LINGO2: variants seen among roughly 807,000 people sequenced by gnomAD.
LINGO2 encodes the protein leucine-rich repeat and immunoglobulin-like domain-containing nogo receptor-interacting protein 2.
A neutral mutation model predicts 30.6 loss-of-function variants in LINGO2; 14 were observed. The observed-to-expected ratio is 0.46, with a 90% CI of 0.30 to 0.72. LINGO2 has a LOEUF of 0.72. LINGO2 is among the 30% of genes least tolerant of loss of function. The pLI, the probability that LINGO2 is intolerant of heterozygous loss-of-function variation, is 0.07. For synonymous variants in LINGO2, 317 were observed against 288.5 expected, an observed-to-expected ratio of 1.10 and a Z score of -1.00; for missense variants, 729 against 751.7, an observed-to-expected ratio of 0.97 and a Z score of 0.35.
the LINGO2 span, among the ~76,000 whole-genome samples, chr9:28,875,938 A>C: frequency 6.6e-6 from 1 of 152,138 alleles, no homozygotes; most frequent in Non-Finnish European, 1.5e-5. Flanking sequence ...CATTTCATTT[A>C]ACAGAAGAGG....
chr9:28,499,718 A>G (rs1819807492), intron 1 of LINGO2, among the ~76,000 whole-genome samples: 1 of 152,200 alleles, frequency 6.6e-6, no homozygotes, highest in Non-Finnish European at 1.5e-5. Flanking sequence ...ATGTTAAACA[A>G]ATGGCATTCC....
the LINGO2 span, among the ~76,000 whole-genome samples, chr9:28,962,371 C>T: frequency 1.3e-4 from 20 of 152,004 alleles, no homozygotes; most frequent in Non-Finnish European, 2.6e-4. Flanking sequence ...CAACATCTTT[C>T]CACTCATACC....
the LINGO2 span, among the ~76,000 whole-genome samples, chr9:28,715,477 A>G: frequency 1.2e-3 from 184 of 152,244 alleles, 1 homozygote; most frequent in Non-Finnish European, 2.2e-3. Context: ...TATAATGTAC[A>G]GTCCCCTAAC....
At chr9:28,443,125 AG>A (rs1354685561) in intron 2 of LINGO2, among the ~76,000 whole-genome samples, 2 of 152,228 alleles carry the variant, frequency 1.3e-5, no homozygotes, top group African/African-American at 4.8e-5. Context: ...AATAGGAAAA[AG>A]GAAGTTATGC....
At chr9:28,090,652 C>G (rs1422084568) in intron 4 of LINGO2, among the ~76,000 whole-genome samples, 2 of 152,074 alleles carry the variant, frequency 1.3e-5, no homozygotes, top group Non-Finnish European at 2.9e-5. Context: ...TGAAAACTGG[C>G]ACAAGACAGG....
intron 1 of LINGO2, among the ~76,000 whole-genome samples, chr9:28,478,734 C>T (rs1472643584): frequency 1.3e-5 from 2 of 152,080 alleles, no homozygotes; most frequent in Non-Finnish European, 2.9e-5. Flanking sequence ...ACAAACCATA[C>T]ATACTTCTTC....
At chr9:28,910,765 C>A in the LINGO2 span, among the ~76,000 whole-genome samples, 1 of 151,746 alleles carries the variant, frequency 6.6e-6, no homozygotes, top group South Asian at 2.1e-4. Context: ...AGTTTTTTTT[C>A]TTTATAAATT....
intron 4 of LINGO2, among the ~76,000 whole-genome samples, chr9:28,055,751 T>C (rs1256449619): frequency 6.6e-6 from 1 of 152,180 alleles, no homozygotes; most frequent in East Asian, 1.9e-4. Context: ...AAGTCTCTCT[T>C]GGAAGTTTAA....
At chr9:28,968,694 G>T in the LINGO2 span, among the ~76,000 whole-genome samples, 2 of 151,944 alleles carry the variant, frequency 1.3e-5, no homozygotes, top group South Asian at 2.1e-4. Flanking sequence ...CCTTTTTTAG[G>T]TATTAAACTT....
chr9:28,224,649 T>C (rs1041752508), intron 4 of LINGO2, among the ~76,000 whole-genome samples: 1 of 152,190 alleles, frequency 6.6e-6, no homozygotes, highest in East Asian at 1.9e-4. Context: ...CCTCTCTTTA[T>C]CTTTCCTTCC....
chr9:28,887,452 A>T, the LINGO2 span, among the ~76,000 whole-genome samples: 1,913 of 152,204 alleles, frequency 0.013, 18 homozygotes, highest in Non-Finnish European at 0.02. Context: ...TGCAGAAGCC[A>T]GTAATTTGTT....
At chr9:28,716,326 G>T in the LINGO2 span, among the ~76,000 whole-genome samples, 2 of 151,906 alleles carry the variant, frequency 1.3e-5, no homozygotes, top group Non-Finnish European at 2.9e-5. Flanking sequence ...CAGAAAGAGG[G>T]ATGGAGTATG....
At chr9:28,331,112 CA>C (rs530891007) in intron 3 of LINGO2, among the ~76,000 whole-genome samples, 61 of 151,860 alleles carry the variant, frequency 4.0e-4, no homozygotes, top group African/African-American at 1.4e-3. Context: ...AAAAAGTATT[CA>C]ACTGAAACAA....
chr9:28,190,516 T>C (rs1192573355), intron 4 of LINGO2, among the ~76,000 whole-genome samples: 1 of 152,132 alleles, frequency 6.6e-6, no homozygotes, highest in Non-Finnish European at 1.5e-5. Flanking sequence ...CGTGCCCTTA[T>C]AAAAGAAACC....
At chr9:28,745,187 T>G in the LINGO2 span, among the ~76,000 whole-genome samples, 1 of 151,960 alleles carries the variant, frequency 6.6e-6, no homozygotes, top group African/African-American at 2.4e-5. Flanking sequence ...GTAATGAAAG[T>G]ATTATTTTTA....
chr9:28,067,516 G>C (rs1321563661), intron 4 of LINGO2, among the ~76,000 whole-genome samples: 1 of 152,180 alleles, frequency 6.6e-6, no homozygotes, highest in African/African-American at 2.4e-5. Flanking sequence ...TGAGAACCTA[G>C]TTGTGCCTTT....
At chr9:29,137,721 T>C in the LINGO2 span, among the ~76,000 whole-genome samples, 2 of 152,136 alleles carry the variant, frequency 1.3e-5, no homozygotes, top group African/African-American at 4.8e-5. Context: ...TTTTCACCAA[T>C]CTCCCTCTAA....
intron 1 of LINGO2, among the ~76,000 whole-genome samples, chr9:28,591,208 A>C (rs983798092): frequency 2.0e-5 from 3 of 152,012 alleles, no homozygotes; most frequent in Non-Finnish European, 2.9e-5. Flanking sequence ...ACCTAATGCT[A>C]AATGATGACT....
intron 5 of LINGO2, among the ~76,000 whole-genome samples, chr9:28,010,771 T>G (rs898999621): frequency 2.0e-5 from 3 of 152,072 alleles, no homozygotes; most frequent in African/African-American, 4.8e-5. Flanking sequence ...TGGAGAATAT[T>G]GTGAGACCCT....
Sources: allele counts gnomAD v4.1 joint callset (sites outside exome capture counted in the v4.1 genomes callset), GRCh38; gene constraint gnomAD v4.1.1; transcripts MANE v1.5; gene names NCBI Gene and HGNC (gene_info 2026-07-23, HGNC 2026-07-21).